Variants in MEGF11 observed in about 807,000 individuals in gnomAD.
MEGF11 encodes multiple epidermal growth factor-like domains protein 11.
MEGF11 carries 126 observed loss-of-function variants against 146.6 expected under a neutral mutation model. The observed-to-expected ratio is 0.86, with a 90% CI of 0.74 to 1.00. MEGF11 has a LOEUF of 1.00. Among genes scored for constraint, MEGF11 ranks in the 50% least tolerant of loss-of-function variants. The probability of loss-of-function intolerance (pLI) is 0.00; values close to 1 mark genes in which losing one functional copy is unlikely to be tolerated. For missense variants in MEGF11, 1,509 were observed against 1,521.2 expected (o/e 0.99, Z 0.13); for synonymous variants, 532 against 583.4 (o/e 0.91, Z 1.27).
At position 66,128,429 on chromosome 15, in the gene MEGF11, G is replaced by A. The variant is rs1454642961; in HGVS notation, c.-8-18C>T. 2.1e-6 allele frequency: 3 copies of A among 1,400,810 alleles called. No individual in the cohort carries two copies. In the Admixed American group the frequency reaches 9.3e-5, roughly 43 times the overall value. The allele number at this position is 1,400,810 out of a possible 1,614,324, so 86.8% of individuals were successfully genotyped here. On this transcript the variant is annotated intron_variant, in intron 1 of 25. Transcript: ENST00000395614. ...CCCGGGCCCTGCACAGGAGAACAAA[G>A]GAGGCTGCGTCTGTGATCAGACCAT... is the stretch of plus-strand genomic sequence containing the variant.
At chr15:66,071,691 G>A (rs2140474866) in intron 5 of MEGF11, among the ~76,000 whole-genome samples, 1 of 152,246 alleles carries the variant, frequency 6.6e-6, no homozygotes, top group South Asian at 2.1e-4. Context: ...GCACAAAAGA[G>A]GGGAAACCTC....
At chr15:65,898,628 G>T (rs2078413413) in intron 25 of MEGF11, 100 bp downstream of exon 25, 3 of 1,542,862 alleles carry the variant, frequency 1.9e-6, no homozygotes, top group Non-Finnish European at 2.6e-6. Flanking sequence ...ACAAAAGAAG[G>T]ATGTGTGGTC....
chr15:66,201,558 G>C (rs1174318340), intron 1 of MEGF11, among the ~76,000 whole-genome samples: 1 of 151,946 alleles, frequency 6.6e-6, no homozygotes, highest in African/African-American at 2.4e-5. Context: ...AGCTAGAAAG[G>C]AAAGTGTAAC....
chr15:66,033,818 G>A (rs960393212), intron 5 of MEGF11, among the ~76,000 whole-genome samples: 2 of 152,176 alleles, frequency 1.3e-5, no homozygotes, highest in Non-Finnish European at 2.9e-5. Context: ...GTGAGACGGA[G>A]TCTCGCCCTG....
chr15:66,165,664 T>G (rs2090078733), intron 1 of MEGF11, among the ~76,000 whole-genome samples: 2 of 152,052 alleles, frequency 1.3e-5, no homozygotes, highest in Admixed American at 6.5e-5. Context: ...TTTCCTACCT[T>G]TTTTCCTCTC....
At chr15:65,946,595 G>A (rs1273004864) in intron 10 of MEGF11, among the ~76,000 whole-genome samples, 4 of 152,166 alleles carry the variant, frequency 2.6e-5, no homozygotes, top group African/African-American at 4.8e-5. Context: ...GTTTCACCAT[G>A]TTGGCCAGGC....
intron 6 of MEGF11, among the ~76,000 whole-genome samples, chr15:65,981,399 G>A (rs769880627): frequency 6.6e-6 from 1 of 152,214 alleles, no homozygotes; most frequent in Non-Finnish European, 1.5e-5. Context: ...AGGCTCATTT[G>A]CAGGGACTGG....
intron 23 of MEGF11, among the ~76,000 whole-genome samples, chr15:65,908,632 C>G (rs915046965): frequency 4.6e-5 from 7 of 152,214 alleles, no homozygotes; most frequent in African/African-American, 1.7e-4. Context: ...CTCTGGGAGA[C>G]ATTGGACTTT....
At chr15:66,198,683 A>C (rs1292633974) in intron 1 of MEGF11, among the ~76,000 whole-genome samples, 1 of 152,028 alleles carries the variant, frequency 6.6e-6, no homozygotes, top group Non-Finnish European at 1.5e-5. Flanking sequence ...ACGGGGTTTC[A>C]TCATGTTGCC....
chr15:66,205,269 T>C (rs140408972), intron 1 of MEGF11, among the ~76,000 whole-genome samples: 26 of 152,200 alleles, frequency 1.7e-4, no homozygotes, highest in African/African-American at 6.3e-4. Context: ...AGCAAGACCC[T>C]GTCTCTATAA....
intron 1 of MEGF11, among the ~76,000 whole-genome samples, chr15:66,183,656 T>G (rs1014367985): frequency 2.6e-5 from 4 of 151,982 alleles, no homozygotes; most frequent in Admixed American, 1.3e-4. Flanking sequence ...CCACCTGAAG[T>G]CCACAGACAA....
At chr15:65,916,098 A>G (rs1170104486) in intron 18 of MEGF11, 50 bp downstream of exon 18, 1 of 1,527,128 alleles carries the variant, frequency 6.5e-7, no homozygotes, top group Admixed American at 2.0e-5. Flanking sequence ...CCTCTGCAGG[A>G]GGGTAGGGCC....
chr15:66,207,044 G>A (rs2091316906), intron 1 of MEGF11, among the ~76,000 whole-genome samples: 2 of 152,028 alleles, frequency 1.3e-5, no homozygotes, highest in Non-Finnish European at 2.9e-5. Flanking sequence ...AAATGACAGA[G>A]CCTCAGAAAG....
chr15:66,010,987 A>G lies in MEGF11; in HGVS notation c.395-28499T>C, dbSNP rs1025629063. On this transcript the variant is annotated intron_variant, in intron 5 of 25. Coordinates refer to ENST00000395614, the MANE Select transcript of MEGF11 (RefSeq NM_001385028.1). ...TTGCCCAGCTAGAGCACTGGGGACA[A>G]TGGAGACTCTCTATGTGGCAGCCAC... is the stretch of plus-strand genomic sequence containing the variant. Among the ~76,000 whole-genome samples, 3 of 152,286 alleles carry G rather than the reference A, an allele frequency of 2.0e-5. No individual in the cohort carries two copies. The East Asian group carries it at 5.8e-4, about 29-fold the overall frequency.
chr15:65,951,358 A>G lies in MEGF11; in HGVS notation c.1287+6189T>C, dbSNP rs140492520. On this transcript the variant is annotated intron_variant, in intron 10 of 25. Coordinates refer to ENST00000395614, the MANE Select transcript of MEGF11 (RefSeq NM_001385028.1). ...CCCCTTATCCTTGGTTTCACTTTCTATAGTGTCAGTTACCTGAGGTCAACT... is the reference window on the plus strand; with the variant it reads ...CCCCTTATCCTTGGTTTCACTTTCTGTAGTGTCAGTTACCTGAGGTCAACT... 1.4e-4 allele frequency among the ~76,000 whole-genome samples: 21 copies of G among 152,306 alleles called. No homozygotes were observed. In the South Asian group the frequency reaches 4.1e-3, roughly 30 times the overall value.
chr15:66,065,760 G>T (rs903064792), intron 5 of MEGF11, among the ~76,000 whole-genome samples: 38 of 152,238 alleles, frequency 2.5e-4, no homozygotes, highest in African/African-American at 8.2e-4. Context: ...TGATTTTCCT[G>T]TCTTTTCCAC....
chr15:65,943,219 C>T (rs563960615), intron 10 of MEGF11, among the ~76,000 whole-genome samples: 1 of 152,088 alleles, frequency 6.6e-6, no homozygotes, highest in Admixed American at 6.6e-5. Context: ...CTCAGGCGAT[C>T]CACCTGCCTT....
intron 5 of MEGF11, among the ~76,000 whole-genome samples, chr15:65,995,457 G>A (rs1004510422): frequency 6.6e-6 from 1 of 152,222 alleles, no homozygotes; most frequent in Non-Finnish European, 1.5e-5. Context: ...GGCTGTGACA[G>A]CAATGTCAAA....
At chr15:66,019,281 T>G (rs982772738) in intron 5 of MEGF11, among the ~76,000 whole-genome samples, 4 of 152,194 alleles carry the variant, frequency 2.6e-5, no homozygotes, top group East Asian at 1.9e-4. Context: ...ATGGCATCCT[T>G]CTGCTGCTGA....
Sources: gnomAD v4.1 joint callset for allele counts (sites outside exome capture counted in the v4.1 genomes callset) on GRCh38, gnomAD v4.1.1 for gene constraint, MANE v1.5 for transcripts, NCBI Gene and HGNC (gene_info 2026-07-23, HGNC 2026-07-21) for gene names.